The following SFMBT1 variants were observed in gnomAD, a reference collection of about 807,000 sequenced individuals.
SFMBT1 encodes the protein scm-like with four MBT domains protein 1.
In SFMBT1, 32 loss-of-function variants were observed where a neutral mutation model predicts 108.7. The observed-to-expected ratio is 0.29, with a 90% CI of 0.22 to 0.40. The LOEUF is 0.40. Among genes scored for constraint, SFMBT1 ranks in the 10% least tolerant of loss-of-function variants. The probability of loss-of-function intolerance (pLI) is 1.00; values close to 1 mark genes in which losing one functional copy is unlikely to be tolerated. For missense variants in SFMBT1, 816 were observed against 1,059.6 expected (o/e 0.77, Z 3.19); for synonymous variants, 348 against 369.5 (o/e 0.94, Z 0.67).
At chr3:52,953,379 G>A (rs1304269630) in intron 3 of SFMBT1, among the ~76,000 whole-genome samples, 1 of 151,764 alleles carries the variant, frequency 6.6e-6, no homozygotes, top group Non-Finnish European at 1.5e-5. Flanking sequence ...CCTGAGCCCA[G>A]GGGGTTGAGG....
chr3:52,991,706 T>C (rs369771253), intron 1 of SFMBT1, among the ~76,000 whole-genome samples: 1 of 152,084 alleles, frequency 6.6e-6, no homozygotes, highest in Non-Finnish European at 1.5e-5. Context: ...CAGGAAGCGA[T>C]TGGATCAATG....
At chr3:52,924,236 G>A (rs549933958) in intron 10 of SFMBT1, among the ~76,000 whole-genome samples, 1 of 152,252 alleles carries the variant, frequency 6.6e-6, no homozygotes. Context: ...TCAAAACAAG[G>A]AAGCAAACCA....
intron 17 of SFMBT1, 109 bp downstream of exon 17, chr3:52,910,894 G>A (rs1369517378): frequency 1.3e-5 from 11 of 871,672 alleles, no homozygotes; most frequent in South Asian, 4.7e-5. Flanking sequence ...CTTTACAGAA[G>A]AAGTTCGTGT....
intron 1 of SFMBT1, among the ~76,000 whole-genome samples, chr3:53,011,652 A>G (rs1698948355): frequency 6.6e-6 from 1 of 152,244 alleles, no homozygotes. Context: ...AGGAAATGAC[A>G]GAAAAATCAA....
At chr3:52,917,404 G>A (rs989136884) in intron 13 of SFMBT1, among the ~76,000 whole-genome samples, 5 of 152,096 alleles carry the variant, frequency 3.3e-5, no homozygotes, top group Non-Finnish European at 7.4e-5. Flanking sequence ...GGGGGGTGCC[G>A]GGGAGAGAAA....
intron 1 of SFMBT1, among the ~76,000 whole-genome samples, chr3:53,040,077 A>T (rs1256368970): frequency 6.6e-6 from 1 of 152,168 alleles, no homozygotes; most frequent in Non-Finnish European, 1.5e-5. Flanking sequence ...ACACAGAAAA[A>T]GCATATTTTA....
intron 1 of SFMBT1, among the ~76,000 whole-genome samples, chr3:52,976,673 A>C (rs944537063): frequency 1.1e-4 from 17 of 152,178 alleles, no homozygotes; most frequent in Admixed American, 1.1e-3. Context: ...AATTTAAAAA[A>C]CAAGCTACAG....
chr3:53,001,741 C>T (rs1168418524), intron 1 of SFMBT1, among the ~76,000 whole-genome samples: 1 of 147,558 alleles, frequency 6.8e-6, no homozygotes, highest in East Asian at 2.0e-4. Context: ...AATGGGAGAT[C>T]CTATCTCTAC....
At position 52,943,466 on chromosome 3, in the gene SFMBT1, T is replaced by A. The variant is rs765640976; in HGVS notation, c.251A>T (p.Tyr84Phe). ...TCTCCGATCCTCCCCATAGCCATCA[T>A]AGCGGAGAAGGAGCAACTGCTCACA... is the stretch of plus-strand genomic sequence containing the variant. ...TTCEQLLLLR[Y>F]DGYGEDRRAD... The change falls in exon 4 of 21, where the codon TAT (tyrosine) becomes TTT (phenylalanine). Residue 84 changes from tyrosine to phenylalanine, a missense_variant. Physicochemically the swap from Tyr to Phe is conservative, Grantham distance 22. Around this residue, in one of 5 missense-constraint regions of SFMBT1, gnomAD observed 495 missense variants for 607.4 expected, o/e 0.81. Coordinates refer to ENST00000394752, the MANE Select transcript of SFMBT1 (RefSeq NM_016329.4). The A allele has an allele frequency of 6.2e-7, 1 of 1,614,220 alleles. No homozygotes were observed. The highest frequency in any genetic ancestry group is 1.1e-5 in the South Asian group (1 of 91,074).
chr3:52,907,848 T>G (rs1045903164), intron 17 of SFMBT1, 115 bp from the exon 18 acceptor site: 1 of 938,278 alleles, frequency 1.1e-6, no homozygotes, highest in Non-Finnish European at 1.6e-6. Flanking sequence ...TGATTGGGGT[T>G]TAAATTCCAT....
chr3:52,999,226 G>A (rs1698452570), intron 1 of SFMBT1, among the ~76,000 whole-genome samples: 1 of 150,838 alleles, frequency 6.6e-6, no homozygotes, highest in Admixed American at 6.6e-5. Flanking sequence ...CTGGGTCAAG[G>A]CGTTCCCGGG....
intron 10 of SFMBT1, among the ~76,000 whole-genome samples, chr3:52,924,413 G>A (rs905542957): frequency 2.0e-5 from 3 of 152,074 alleles, no homozygotes; most frequent in Non-Finnish European, 4.4e-5. Flanking sequence ...AGGCTGAGGC[G>A]GGAAGATCAT....
chr3:52,966,005 CAAAAAAAAAA>C (rs775989805), intron 2 of SFMBT1, among the ~76,000 whole-genome samples: 3 of 55,044 alleles, frequency 5.5e-5, no homozygotes, highest in South Asian at 8.1e-4. Flanking sequence ...GACTCCGTTT[CAAAAAAAAAA>C]AAAAAAAAAA....
chr3:52,997,701 T>C (rs757379080), intron 1 of SFMBT1, among the ~76,000 whole-genome samples: 4 of 150,430 alleles, frequency 2.7e-5, no homozygotes, highest in Non-Finnish European at 3.0e-5. Context: ...AAAGGCAAAA[T>C]TGTATAGAAA....
At chr3:52,985,973 T>A (rs1704896539) in intron 1 of SFMBT1, among the ~76,000 whole-genome samples, 1 of 151,930 alleles carries the variant, frequency 6.6e-6, no homozygotes, top group Non-Finnish European at 1.5e-5. Flanking sequence ...TGAAACCCCG[T>A]CTCTACTAAA....
intron 3 of SFMBT1, among the ~76,000 whole-genome samples, chr3:52,952,007 A>G (rs887917712): frequency 2.6e-5 from 4 of 152,258 alleles, no homozygotes; most frequent in Non-Finnish European, 5.9e-5. Flanking sequence ...ATAAATGAAC[A>G]AAGAATAATC....
chr3:52,904,934 C>T lies in SFMBT1; in HGVS notation c.*202G>A. 1 of 521,024 alleles carries T rather than the reference C, an allele frequency of 1.9e-6. No individual in the cohort carries two copies. The highest frequency in any genetic ancestry group is 3.2e-6 in the Non-Finnish European group (1 of 309,164). 32.3% of individuals were successfully genotyped at this position (521,024 alleles called of 1,614,324 possible). A position where few individuals can be genotyped will look rare whatever the true frequency, so the allele number is the denominator to read the frequency against. ...CCATCTGCTGAACAAGAGATGTCCA[C>T]ATTTCCACCAGCAGGTGATCCACTT... On this transcript the variant is annotated 3_prime_UTR_variant, in exon 21 of 21. Coordinates refer to ENST00000394752, the MANE Select transcript of SFMBT1 (RefSeq NM_016329.4).
At chr3:52,948,278 T>G (rs1272425536) in intron 3 of SFMBT1, among the ~76,000 whole-genome samples, 1 of 152,128 alleles carries the variant, frequency 6.6e-6, no homozygotes, top group African/African-American at 2.4e-5. Context: ...CCTACAAAAG[T>G]GGATCTGTTT....
chr3:52,959,927 A>G (rs969395866), intron 2 of SFMBT1, among the ~76,000 whole-genome samples: 1 of 152,076 alleles, frequency 6.6e-6, no homozygotes, highest in Non-Finnish European at 1.5e-5. Flanking sequence ...GACTCTCAAT[A>G]AACTGCTGAA....
Sources: allele counts gnomAD v4.1 joint callset (sites outside exome capture counted in the v4.1 genomes callset), GRCh38; gene constraint gnomAD v4.1.1; regional missense constraint gnomAD v4.1.1; transcripts MANE v1.5; gene names NCBI Gene and HGNC (gene_info 2026-07-23, HGNC 2026-07-21).